UPF2: variants seen among roughly 807,000 people sequenced by gnomAD.
The protein encoded by UPF2 is regulator of nonsense transcripts 2.
A neutral mutation model predicts 141.4 loss-of-function variants in UPF2; 17 were observed. The ratio of observed to expected loss-of-function variants is 0.12; its 90% confidence interval spans 0.08 to 0.18. UPF2 has a LOEUF of 0.18. Ranked by LOEUF, UPF2 falls within the 10% of genes least tolerant of loss-of-function variation. The pLI, the probability that UPF2 is intolerant of heterozygous loss-of-function variation, is 1.00. For missense variants in UPF2, 1,152 were observed against 1,515.9 expected, an observed-to-expected ratio of 0.76 and a Z score of 3.99; for synonymous variants, 540 against 498.0, an observed-to-expected ratio of 1.08 and a Z score of -1.12.
At chr10:11,983,520 G>A (rs891920357) in intron 8 of UPF2, among the ~76,000 whole-genome samples, 3 of 152,118 alleles carry the variant, frequency 2.0e-5, no homozygotes, top group African/African-American at 4.8e-5. Flanking sequence ...CTACCAGCGC[G>A]TGCTATCATG....
At position 12,007,834 on chromosome 10, in the gene UPF2, GTAATAATAA is replaced by G. The variant is rs140872031; in HGVS notation, c.1307-3116_1307-3108del. On this transcript the variant is annotated intron_variant, in intron 4 of 21. Coordinates refer to ENST00000357604, the MANE Select transcript of UPF2 (RefSeq NM_015542.4). ...CAACACAGCAAGGCGCCGTCTCAAA[GTAATAATAA>G]TAATAATAATAATAATAATAATAAT... Among the ~76,000 whole-genome samples, 1,037 of 134,556 alleles carry G rather than the reference GTAATAATAA, an allele frequency of 7.7e-3. 13 individuals carry two copies. The highest frequency in any genetic ancestry group is 0.019 in the African/African-American group (718 of 37,866). The allele number at this position is 134,556 out of a possible 152,430, so 88.3% of individuals were successfully genotyped here.
At position 12,014,181 on chromosome 10, in the gene UPF2, G is replaced by A. The variant is rs377321085; in HGVS notation, c.1149C>T (p.Arg383=). The change falls in exon 4 of 22, where the codon CGC becomes CGT. Residue 383 remains arginine, a synonymous_variant. Transcript: ENST00000357604. The surrounding 1 kb of genome is among the most constrained non-coding windows in gnomAD (Gnocchi z 5.0). ...ELQNTERQNR[R]ILHSKGELSE... ...TGAGCTCCCCTTTAGAATGTAGAAT[G>A]CGCCTATAAACAAATGAAATCATCT... is the stretch of plus-strand genomic sequence containing the variant. 2.4e-5 allele frequency: 34 copies of A among 1,443,240 alleles called. 1 individual carries two copies. The highest frequency in any genetic ancestry group is 3.1e-5 in the Non-Finnish European group (34 of 1,083,804). 89.4% of individuals were successfully genotyped at this position (1,443,240 alleles called of 1,614,324 possible).
chr10:11,939,930 C>G lies in UPF2; in HGVS notation c.3378+2735G>C, dbSNP rs1393700776. Among the ~76,000 whole-genome samples the G allele has an allele frequency of 2.0e-5, 3 of 152,134 alleles. No homozygotes were observed. The highest frequency in any genetic ancestry group is 4.4e-5 in the Non-Finnish European group (3 of 68,038). On this transcript the variant is annotated intron_variant, in intron 18 of 21. Coordinates refer to ENST00000357604, the MANE Select transcript of UPF2 (RefSeq NM_015542.4). This position sits in a 1 kb window ranked among gnomAD's most constrained non-coding sequence, Gnocchi z 4.8. ...TTTTAAATTCATTCTGCATTGATCT[C>G]CCTGCTCTTCTCTTTCCCTTGGAAA...
chr10:11,968,336 TAAATA>T (rs1355259674), intron 9 of UPF2, among the ~76,000 whole-genome samples: 2 of 152,216 alleles, frequency 1.3e-5, no homozygotes, highest in Non-Finnish European at 2.9e-5. Flanking sequence ...AGGAGGTTCT[TAAATA>T]AGGAAAACTT....
intron 3 of UPF2, among the ~76,000 whole-genome samples, chr10:12,015,214 T>C (rs1432757785): frequency 2.0e-5 from 3 of 152,232 alleles, no homozygotes. Context: ...GTTTTTTATT[T>C]CTTGTTATTT....
At chr10:11,945,437 G>T (rs1222431965) in intron 16 of UPF2, among the ~76,000 whole-genome samples, 1 of 152,070 alleles carries the variant, frequency 6.6e-6, no homozygotes, top group South Asian at 2.1e-4. Flanking sequence ...TTTGGAGGGC[G>T]GTCATAGGAA....
At chr10:11,967,244 G>T in intron 10 of UPF2, 97 bp downstream of exon 10, 1 of 722,558 alleles carries the variant, frequency 1.4e-6, no homozygotes, top group Non-Finnish European at 2.1e-6. Context: ...GTCTTCTTTT[G>T]GATTAATCAA....
At chr10:11,946,144 T>C (rs1832997278) in intron 16 of UPF2, among the ~76,000 whole-genome samples, 1 of 152,212 alleles carries the variant, frequency 6.6e-6, no homozygotes, top group Non-Finnish European at 1.5e-5. Flanking sequence ...ACTAGCCAAT[T>C]AGGAAAACCA....
chr10:11,938,865 T>TTTG (rs1832894817), intron 18 of UPF2, among the ~76,000 whole-genome samples: 4 of 87,402 alleles, frequency 4.6e-5, no homozygotes, highest in Admixed American at 1.7e-4. Context: ...TTTTTTTTTT[T>TTTG]TTTTTTTTTT....
chr10:11,960,933 TAAAAA>T (rs775837234), intron 11 of UPF2, among the ~76,000 whole-genome samples: 45 of 151,332 alleles, frequency 3.0e-4, no homozygotes, highest in Admixed American at 5.9e-4. Context: ...CTCTATAAAA[TAAAAA>T]AATTAGCCAG....
chr10:11,948,652 C>T (rs559278425), intron 15 of UPF2, 144 bp from the exon 16 acceptor site: 16 of 942,014 alleles, frequency 1.7e-5, no homozygotes, highest in South Asian at 7.5e-5. Context: ...TTAAAAACTA[C>T]GGTGAGAAAC....
intron 18 of UPF2, among the ~76,000 whole-genome samples, chr10:11,938,868 T>TTTTTTTGTTTTTG (rs1832896680): frequency 6.6e-5 from 6 of 90,822 alleles, no homozygotes; most frequent in Non-Finnish European, 1.4e-4. Flanking sequence ...TTTTTTTTTT[T>TTTTTTTGTTTTTG]TTTTTTTTTT....
intron 8 of UPF2, among the ~76,000 whole-genome samples, chr10:11,981,703 C>T (rs1311930805): frequency 2.6e-5 from 4 of 151,376 alleles, no homozygotes; most frequent in East Asian, 1.9e-4. Flanking sequence ...TTTTCTGAGA[C>T]GGAGTCTCGC....
chr10:11,928,017 G>C (rs1832733840), intron 21 of UPF2, among the ~76,000 whole-genome samples: 1 of 152,152 alleles, frequency 6.6e-6, no homozygotes, highest in African/African-American at 2.4e-5. Context: ...TAGAGCCTCG[G>C]TTTAAACACT....
intron 21 of UPF2, among the ~76,000 whole-genome samples, chr10:11,922,359 A>G (rs1564331813): frequency 2.0e-5 from 3 of 152,236 alleles, no homozygotes; most frequent in Admixed American, 1.3e-4. Context: ...TCAAAGCGTT[A>G]AGATGCAAAT....
At chr10:11,969,230 C>T (rs919902258) in intron 9 of UPF2, among the ~76,000 whole-genome samples, 4 of 151,428 alleles carry the variant, frequency 2.6e-5, no homozygotes, top group South Asian at 2.1e-4. Context: ...TGCAATGGCG[C>T]GATCTCAGAC....
intron 8 of UPF2, among the ~76,000 whole-genome samples, chr10:11,986,848 A>G (rs1833700018): frequency 6.6e-6 from 1 of 152,204 alleles, no homozygotes; most frequent in African/African-American, 2.4e-5. Flanking sequence ...TTCCAAATTG[A>G]GTGAAGGAGG....
At chr10:11,932,883 A>T (rs1283734021) in intron 19 of UPF2, among the ~76,000 whole-genome samples, 1 of 152,232 alleles carries the variant, frequency 6.6e-6, no homozygotes, top group African/African-American at 2.4e-5. Context: ...AACTCCTTAT[A>T]TAAATATTAA....
At chr10:11,989,907 G>A (rs1833751788) in intron 8 of UPF2, among the ~76,000 whole-genome samples, 2 of 152,122 alleles carry the variant, frequency 1.3e-5, no homozygotes, top group South Asian at 2.1e-4. Context: ...AGAGGACTTC[G>A]AGAACCTCAG....
Sources: allele counts gnomAD v4.1 joint callset (sites outside exome capture counted in the v4.1 genomes callset), GRCh38; gene constraint gnomAD v4.1.1; non-coding constraint Gnocchi (gnomAD v3.1); transcripts MANE v1.5; gene names NCBI Gene and HGNC (gene_info 2026-07-23, HGNC 2026-07-21).